The following CALM2 variants were observed in gnomAD, a reference collection of about 807,000 sequenced individuals.
The protein encoded by CALM2 is calmodulin-2.
Under a neutral mutation model 19.8 loss-of-function variants are expected in CALM2, and 2 were observed. The ratio of observed to expected loss-of-function variants is 0.10; its 90% CI spans 0.04 to 0.32. The LOEUF (loss-of-function observed/expected upper bound fraction) is 0.32. Ranked by LOEUF, CALM2 falls within the 10% of genes least tolerant of loss-of-function variation. The probability of loss-of-function intolerance (pLI) is 1.00; values close to 1 mark genes in which losing one functional copy is unlikely to be tolerated. For missense variants in CALM2, 38 were observed against 178.7 expected (o/e 0.21, Z 4.49); for synonymous variants, 51 against 52.1 (o/e 0.98, Z 0.09).
rs984097734 is a variant in CALM2 at position 47,162,479 on chromosome 2, T to G, written c.178+40A>C. 7 of 1,613,200 alleles carry G rather than the reference T, an allele frequency of 4.3e-6. No individual in the cohort carries two copies. The Admixed American group carries it at 1.0e-4, about 23-fold the overall frequency. On this transcript the variant is annotated intron_variant, in intron 3 of 5. Transcript: ENST00000272298. ...TTTAGTGGAAACATCTAAGTATCAC[T>G]TCTTCAACCCCTCCCAGCCCCACAA...
At chr2:47,165,251 T>A (rs1019662814) in intron 2 of CALM2, among the ~76,000 whole-genome samples, 1 of 152,198 alleles carries the variant, frequency 6.6e-6, no homozygotes, top group Non-Finnish European at 1.5e-5. Context: ...ACTACTGGGT[T>A]AGAATTTCCT....
intron 5 of CALM2, 45 bp from the exon 6 acceptor site, chr2:47,160,849 C>T: frequency 2.9e-6 from 1 of 342,432 alleles, no homozygotes; most frequent in Non-Finnish European, 4.2e-6. Context: ...TAGCAAAAGA[C>T]CAAAAAAAAA....
At chr2:47,176,850 T>G (rs1666891990), upstream of CALM2, 2 of 985,450 alleles carry the variant, frequency 2.0e-6, no homozygotes, top group Non-Finnish European at 1.2e-6. Flanking sequence ...GGTTTGTACC[T>G]GCAATGCGTC....
chr2:47,161,987 C>G, intron 4 of CALM2, 129 bp from the exon 5 acceptor site: 1 of 748,914 alleles, frequency 1.3e-6, no homozygotes, highest in Non-Finnish European at 2.2e-6. Flanking sequence ...TACAAATCTA[C>G]ACAGTTGACC....
At chr2:47,166,746 T>C (rs1443351111) in intron 2 of CALM2, among the ~76,000 whole-genome samples, 5 of 152,172 alleles carry the variant, frequency 3.3e-5, no homozygotes, top group Non-Finnish European at 5.9e-5. Context: ...TAGAAGCATA[T>C]AATTCTAAAC....
At chr2:47,176,553 T>A, upstream of CALM2, 3 of 1,557,762 alleles carry the variant, frequency 1.9e-6, no homozygotes, top group Non-Finnish European at 2.6e-6. Flanking sequence ...AACACCTCCC[T>A]CCGCCAGATC....
chr2:47,176,696 C>T (rs957205569), upstream of CALM2: 4 of 1,414,078 alleles, frequency 2.8e-6, no homozygotes, highest in South Asian at 1.5e-5. Flanking sequence ...AGTGGGCGAA[C>T]GGATGACGTA....
At chr2:47,174,550 TC>T (rs1666782710) in intron 1 of CALM2, among the ~76,000 whole-genome samples, 1 of 152,144 alleles carries the variant, frequency 6.6e-6, no homozygotes, top group Non-Finnish European at 1.5e-5. Flanking sequence ...ATTTTTTTTT[TC>T]GACTTTGTCT....
intron 1 of CALM2, chr2:47,171,707 A>G (rs1025000327): frequency 6.6e-6 from 1 of 152,216 alleles, no homozygotes; most frequent in Non-Finnish European, 1.5e-5. Context: ...GGTATTGAGA[A>G]GCACAGACAA....
chr2:47,176,245 C>G (rs558123602), intron 1 of CALM2, 196 bp downstream of exon 1: 1 of 613,580 alleles, frequency 1.6e-6, no homozygotes, highest in Non-Finnish European at 2.8e-6. Context: ...CTAGAGGAAG[C>G]CCCCCTGAAG....
Position 47,160,537 on chromosome 2 carries a change from G to T in CALM2, c.*239C>A. 2.6e-6 allele frequency: 1 copy of T among 390,812 alleles called. No individual in the cohort carries two copies. Among genetic ancestry groups the T allele is most frequent in the Admixed American group, 4.5e-5 (1 of 22,248 alleles). 24.2% of individuals were successfully genotyped at this position (390,812 alleles called of 1,614,324 possible). A position where few individuals can be genotyped will look rare whatever the true frequency, so the allele number is the denominator to read the frequency against. On this transcript the variant is annotated 3_prime_UTR_variant, in exon 6 of 6. Transcript: ENST00000272298. ...CATCTAAGTTTAGATGTGCAGAAGG[G>T]CTTAGATATATCCAGAGTAAGCCAC...
intron 1 of CALM2, among the ~76,000 whole-genome samples, chr2:47,174,745 G>A (rs985015111): frequency 3.3e-5 from 5 of 150,902 alleles, no homozygotes; most frequent in African/African-American, 1.2e-4. Flanking sequence ...TTTACCCTTC[G>A]TTTATTTAAA....
chr2:47,164,274 C>T (rs905135295), intron 2 of CALM2, among the ~76,000 whole-genome samples: 2 of 141,354 alleles, frequency 1.4e-5, no homozygotes, highest in African/African-American at 2.6e-5. Flanking sequence ...AAAGAAACCC[C>T]GTCTCTACTA....
At chr2:47,162,418 A>G (rs1023839495) in intron 3 of CALM2, 26 bp from the exon 4 acceptor site, 2 of 1,605,308 alleles carry the variant, frequency 1.2e-6, no homozygotes, top group Admixed American at 3.4e-5. Context: ...GGAAACATCA[A>G]AGCTTTAGTG....
rs765564888 is a variant in CALM2, at chr2:47,162,310, T to C, written c.261A>G (p.Arg87=). The change falls in exon 4 of 6, where the codon AGA becomes AGG. Residue 87 remains arginine (R), a synonymous_variant. Coordinates refer to ENST00000272298, the MANE Select transcript of CALM2 (RefSeq NM_001743.6). ...MKDTDSEEEI[R]EAFRVFDKDG... is the part of the protein sequence containing the mutation. ...CCTTATCAAACACACGGAATGCTTCTCTAATTTCTTCTTCACTGTCTGTGT... is the reference window on the plus strand; with the variant it reads ...CCTTATCAAACACACGGAATGCTTCCCTAATTTCTTCTTCACTGTCTGTGT... 1.2e-6 allele frequency: 2 copies of C among 1,608,440 alleles called. No homozygotes were observed. Among genetic ancestry groups the C allele is most frequent in the Admixed American group, 1.7e-5 (1 of 59,218 alleles).
In CALM2 at chr2:47,162,538, A is replaced by G. The variant is rs765398786; in HGVS notation, c.159T>C (p.Ile53=). 1.9e-6 allele frequency: 3 copies of G among 1,614,160 alleles called. No individual in the cohort carries two copies. The highest frequency in any genetic ancestry group is 1.1e-5 in the South Asian group (1 of 91,076). ...ACTTACCATCAGCATCTACTTCATT[A>G]ATCATGTCCTGTAACTCTGCTTCTG... ...NPTEAELQDM[I]NEVDADGNGT... is the part of the protein sequence containing the mutation. Residue 53 remains isoleucine (I), a synonymous_variant, in exon 3 of 6, where the codon ATT becomes ATC. Coordinates refer to ENST00000272298, the MANE Select transcript of CALM2 (RefSeq NM_001743.6).
chr2:47,170,985 T>C, intron 1 of CALM2: 1 of 502,888 alleles, frequency 2.0e-6, no homozygotes, highest in Non-Finnish European at 3.6e-6. Flanking sequence ...CAGAATATTT[T>C]TGAAAATATA....
intron 1 of CALM2, among the ~76,000 whole-genome samples, chr2:47,174,445 A>G (rs1666778852): frequency 6.6e-6 from 1 of 152,126 alleles, no homozygotes; most frequent in Non-Finnish European, 1.5e-5. Context: ...TTCCTAATGT[A>G]AAATCTCAGT....
Position 47,160,755 on chromosome 2 carries a change from A to C in CALM2, c.*21T>G. On this transcript the variant is annotated 3_prime_UTR_variant, in exon 6 of 6. Coordinates refer to ENST00000272298, the MANE Select transcript of CALM2 (RefSeq NM_001743.6). ...ATAAACAATTTTGTACAAGAAATTT[A>C]ACACATTCTGTACAAGGTCTTCACT... 7.2e-7 allele frequency: 1 copy of C among 1,396,022 alleles called. No individual in the cohort carries two copies. Among genetic ancestry groups the C allele is most frequent in the Non-Finnish European group, 9.7e-7 (1 of 1,034,734 alleles). The allele number at this position is 1,396,022 out of a possible 1,614,324, so 86.5% of individuals were successfully genotyped here.
Sources: allele counts gnomAD v4.1 joint callset (sites outside exome capture counted in the v4.1 genomes callset), GRCh38; gene constraint gnomAD v4.1.1; transcripts MANE v1.5; gene names NCBI Gene and HGNC (gene_info 2026-07-23, HGNC 2026-07-21).